The following RNF150 variants were observed in gnomAD, a reference collection of about 807,000 sequenced individuals.
RNF150 encodes ring finger protein 150.
A neutral mutation model predicts 39.3 loss-of-function variants in RNF150; 24 were observed. That is an observed-to-expected ratio of 0.61 (90% CI 0.44 to 0.86). The LOEUF (loss-of-function observed/expected upper bound fraction) is 0.86. Among genes scored for constraint, RNF150 ranks in the 40% least tolerant of loss-of-function variants. The pLI, the probability that RNF150 is intolerant of heterozygous loss-of-function variation, is 0.00. For missense variants in RNF150, 502 were observed against 587.8 expected (o/e 0.85, Z 1.51); for synonymous variants, 255 against 227.3 (o/e 1.12, Z -1.10).
intron 4 of RNF150, among the ~76,000 whole-genome samples, chr4:140,946,154 G>A (rs1732301684): frequency 6.6e-6 from 1 of 152,214 alleles, no homozygotes; most frequent in South Asian, 2.1e-4. Context: ...AACGGAAAGT[G>A]AATCACAATT....
At chr4:141,086,922 C>CT (rs1252384206) in intron 1 of RNF150, among the ~76,000 whole-genome samples, 1 of 151,924 alleles carries the variant, frequency 6.6e-6, no homozygotes, top group Non-Finnish European at 1.5e-5. Flanking sequence ...ATATTTTCCT[C>CT]TTTTTTTGGC....
At chr4:140,974,762 T>C (rs1228413666) in intron 1 of RNF150, among the ~76,000 whole-genome samples, 5 of 152,210 alleles carry the variant, frequency 3.3e-5, no homozygotes, top group Non-Finnish European at 5.9e-5. Flanking sequence ...TGACTTCTAA[T>C]TTTTGAAGCT....
intron 1 of RNF150, among the ~76,000 whole-genome samples, chr4:141,198,278 CG>C (rs1433359068): frequency 6.6e-6 from 1 of 152,062 alleles, no homozygotes; most frequent in Non-Finnish European, 1.5e-5. Context: ...CCACCTGCCT[CG>C]GCCTCCCAAA....
chr4:140,932,525 C>G (rs1731687463), intron 4 of RNF150, among the ~76,000 whole-genome samples: 1 of 152,226 alleles, frequency 6.6e-6, no homozygotes, highest in Non-Finnish European at 1.5e-5. Context: ...TTTACCCACT[C>G]TATACTCCTC....
chr4:140,990,085 T>C (rs1734143769), intron 1 of RNF150, among the ~76,000 whole-genome samples: 1 of 152,248 alleles, frequency 6.6e-6, no homozygotes, highest in African/African-American at 2.4e-5. Flanking sequence ...ACCCTGCTAA[T>C]GCACTGTAAT....
chr4:141,040,847 T>C (rs1258857114), intron 1 of RNF150, among the ~76,000 whole-genome samples: 2 of 152,308 alleles, frequency 1.3e-5, no homozygotes, highest in African/African-American at 4.8e-5. Flanking sequence ...TTTTAAAATG[T>C]CTATAGATAA....
chr4:141,052,067 T>A lies in RNF150; in HGVS notation c.484+80258A>T, dbSNP rs559098809. 3.3e-5 allele frequency among the ~76,000 whole-genome samples: 5 copies of A among 152,260 alleles called. No individual in the cohort carries two copies. The Middle Eastern group carries it at 0.014, about 414-fold the overall frequency. On this transcript the variant is annotated intron_variant, in intron 1 of 6. Transcript: ENST00000515673. Reference sequence around the variant, plus strand: ...GAGCTTCTGCAGGGAAACTCGTTTTTAAAACCATCAGATCTCATGAGACTC... The same window carrying A: ...GAGCTTCTGCAGGGAAACTCGTTTTAAAAACCATCAGATCTCATGAGACTC...
chr4:141,190,171 T>A (rs1225374970), intron 1 of RNF150, among the ~76,000 whole-genome samples: 1 of 152,106 alleles, frequency 6.6e-6, no homozygotes, highest in Non-Finnish European at 1.5e-5. Flanking sequence ...TTCTAGCCAG[T>A]CTGAATTAGA....
intron 1 of RNF150, among the ~76,000 whole-genome samples, chr4:141,026,411 G>T (rs1397343708): frequency 1.3e-5 from 2 of 152,212 alleles, no homozygotes; most frequent in East Asian, 3.9e-4. Context: ...GAAATATAAT[G>T]TGAGGCACAA....
chr4:141,149,945 G>A (rs987371830), intron 1 of RNF150, among the ~76,000 whole-genome samples: 6 of 152,064 alleles, frequency 3.9e-5, no homozygotes, highest in African/African-American at 1.4e-4. Context: ...AGTGAGTCAG[G>A]GCCCTCGCTT....
intron 1 of RNF150, among the ~76,000 whole-genome samples, chr4:141,130,264 G>A (rs916520698): frequency 1.3e-5 from 2 of 152,194 alleles, no homozygotes; most frequent in Non-Finnish European, 2.9e-5. Flanking sequence ...TGACACTCTA[G>A]CAGAAATCAA....
At chr4:141,002,160 T>G (rs763855879) in intron 1 of RNF150, among the ~76,000 whole-genome samples, 7 of 152,174 alleles carry the variant, frequency 4.6e-5, no homozygotes, top group Non-Finnish European at 8.8e-5. Context: ...ATAATTTCAT[T>G]ACAGATTATT....
chr4:141,049,189 A>T (rs768838996), intron 1 of RNF150, among the ~76,000 whole-genome samples: 7 of 152,200 alleles, frequency 4.6e-5, no homozygotes, highest in African/African-American at 7.2e-5. Context: ...AATTACACAT[A>T]GTTTACCAAT....
Position 140,926,303 on chromosome 4 carries a change from C to T in RNF150, c.891-230G>A, listed in dbSNP as rs150410569. Reference sequence around the variant, plus strand: ...CTATATAATTTGCAATGGAGTTTTCCAAGTTTCAGAAAATGTAGAAAATGC... The same window carrying T: ...CTATATAATTTGCAATGGAGTTTTCTAAGTTTCAGAAAATGTAGAAAATGC... On this transcript the variant is annotated intron_variant, in intron 4 of 6. Coordinates refer to ENST00000515673, the MANE Select transcript of RNF150 (RefSeq NM_020724.2). Among the ~76,000 whole-genome samples the T allele has an allele frequency of 4.6e-5, 7 of 152,236 alleles. No individual in the cohort carries two copies. In the East Asian group the frequency reaches 1.4e-3, roughly 29 times the overall value.
chr4:140,904,213 A>G (rs1452429573), intron 6 of RNF150, among the ~76,000 whole-genome samples: 2 of 152,214 alleles, frequency 1.3e-5, no homozygotes, highest in Non-Finnish European at 2.9e-5. Flanking sequence ...TGGCACGTTA[A>G]GAGTCACGGA....
At chr4:140,929,243 A>T (rs1560972587) in intron 4 of RNF150, among the ~76,000 whole-genome samples, 1 of 151,880 alleles carries the variant, frequency 6.6e-6, no homozygotes, top group Non-Finnish European at 1.5e-5. Flanking sequence ...TTAATACTAC[A>T]GCGGAAAAGC....
chr4:141,053,237 T>C (rs1736846802), intron 1 of RNF150, among the ~76,000 whole-genome samples: 1 of 152,076 alleles, frequency 6.6e-6, no homozygotes, highest in Non-Finnish European at 1.5e-5. Flanking sequence ...TCGATACAGA[T>C]CACTGCTCTG....
intron 6 of RNF150, among the ~76,000 whole-genome samples, chr4:140,891,748 G>A (rs1729761526): frequency 6.6e-6 from 1 of 152,126 alleles, no homozygotes; most frequent in South Asian, 2.1e-4. Flanking sequence ...CCAGTCCATG[G>A]TCTGTTAGGA....
At chr4:141,082,755 A>AT (rs1437442763) in intron 1 of RNF150, among the ~76,000 whole-genome samples, 19 of 151,672 alleles carry the variant, frequency 1.3e-4, no homozygotes, top group Non-Finnish European at 1.5e-5. Flanking sequence ...CGCCCGGCTA[A>AT]TTTTTTGTAT....
Sources: allele counts gnomAD v4.1 joint callset (sites outside exome capture counted in the v4.1 genomes callset), GRCh38; gene constraint gnomAD v4.1.1; transcripts MANE v1.5; gene names NCBI Gene and HGNC (gene_info 2026-07-23, HGNC 2026-07-21).